SGSM2: variants seen among roughly 807,000 people sequenced by gnomAD.
SGSM2 encodes the protein RUN and TBC1 domain containing 1.
A neutral mutation model predicts 126.6 loss-of-function variants in SGSM2; 89 were observed. The ratio of observed to expected loss-of-function variants is 0.70; its 90% confidence interval spans 0.59 to 0.84. SGSM2 has a LOEUF of 0.84. SGSM2 is among the 40% of genes least tolerant of loss of function. The pLI, the probability that SGSM2 is intolerant of heterozygous loss-of-function variation, is 0.00. For missense variants in SGSM2, 1,404 were observed against 1,416.6 expected, an observed-to-expected ratio of 0.99 and a Z score of 0.14; for synonymous variants, 614 against 574.3, an observed-to-expected ratio of 1.07 and a Z score of -0.99.
chr17:2,364,544 G>A, intron 8 of SGSM2, 52 bp from the exon 9 acceptor site: 2 of 1,591,394 alleles, frequency 1.3e-6, no homozygotes, highest in Non-Finnish European at 1.7e-6. Flanking sequence ...AAGGAAGGAA[G>A]GAAGGATGGC....
At chr17:2,360,109 G>A (rs889891486) in intron 2 of SGSM2, among the ~76,000 whole-genome samples, 3 of 152,176 alleles carry the variant, frequency 2.0e-5, no homozygotes, top group Non-Finnish European at 4.4e-5. Context: ...TTGAGAGGCC[G>A]AGGCGGGCGG....
At chr17:2,349,945 G>A (rs35257150) in intron 2 of SGSM2, among the ~76,000 whole-genome samples, 66,345 of 151,616 alleles carry the variant, frequency 0.44, 14,849 homozygotes, top group East Asian at 0.64. Flanking sequence ...CCACCACCAC[G>A]CTCGGCTAAT....
rs1369132873 is a variant in SGSM2 at position 2,364,824 on chromosome 17, C to T, written c.1001-73C>T. On this transcript the variant is annotated intron_variant, in intron 9 of 23. Coordinates refer to ENST00000268989, the MANE Select transcript of SGSM2 (RefSeq NM_014853.3). ...CCCAGCCATCTGCCTCCTACCCAGC[C>T]TGGGGGCACTGGCCAGCAGGGTGTG... The T allele has an allele frequency of 3.2e-6, 5 of 1,583,520 alleles. No homozygotes were observed. In the African/African-American group the frequency reaches 6.7e-5, roughly 21 times the overall value.
Position 2,376,808 on chromosome 17 carries a change from C to T in SGSM2, c.2685C>T (p.Leu895=), listed in dbSNP as rs756915259. 8.7e-6 allele frequency: 14 copies of T among 1,613,934 alleles called. No homozygotes were observed. The highest frequency in any genetic ancestry group is 1.7e-5 in the Admixed American group (1 of 60,014). The change falls in exon 20 of 24, where the codon CTC becomes CTT. Residue 895 remains leucine (L), a synonymous_variant. Coordinates refer to ENST00000268989, the MANE Select transcript of SGSM2 (RefSeq NM_014853.3). The part of the protein sequence containing the change: ...CDLLAPLLVT[L]DNDQLAYSCF... ...TGCTGGCGCCTCTCCTGGTCACCCT[C>T]GACAATGGTGAGGGATGGCGGGACA... is the stretch of plus-strand genomic sequence containing the variant.
At position 2,363,090 on chromosome 17, in the gene SGSM2, C is replaced by G. The variant is rs2065391487; in HGVS notation, c.628C>G (p.Pro210Ala). The change falls in exon 6 of 24, where the codon CCA becomes GCA. Residue 210 changes from proline (P) to alanine (A), a missense_variant. Coordinates refer to ENST00000268989, the MANE Select transcript of SGSM2 (RefSeq NM_014853.3). This position sits in a 1 kb window ranked among gnomAD's most constrained non-coding sequence, Gnocchi z 4.2. ...GGTCCAGCGGCACCGCATCCGGGGT[C>G]CACCTACTCGCCAGGACTCCCCTGC... ...ELVQRHRIRG[P>A]PTRQDSPAKR... 6.2e-7 allele frequency: 1 copy of G among 1,612,872 alleles called. No homozygotes were observed. Among genetic ancestry groups the G allele is most frequent in the Non-Finnish European group, 8.5e-7 (1 of 1,179,766 alleles).
intron 2 of SGSM2, among the ~76,000 whole-genome samples, chr17:2,358,469 G>A (rs1416254655): frequency 2.6e-5 from 4 of 152,212 alleles, no homozygotes; most frequent in Admixed American, 2.0e-4. Context: ...CGGCGCTTTG[G>A]AAGGCTGAGG....
chr17:2,360,035 G>A (rs1411869005), intron 2 of SGSM2, among the ~76,000 whole-genome samples: 2 of 152,164 alleles, frequency 1.3e-5, no homozygotes, highest in African/African-American at 4.8e-5. Flanking sequence ...GCATGTGGAC[G>A]CTTAAGCCAA....
At chr17:2,365,362 C>G (rs112641648) in intron 11 of SGSM2, 21 bp downstream of exon 11, 1 of 1,520,370 alleles carries the variant, frequency 6.6e-7, no homozygotes, top group East Asian at 2.5e-5. Flanking sequence ...CGAGCTTCAT[C>G]CCGGGGGAGG....
chr17:2,379,234 C>G (rs747761533), intron 23 of SGSM2, 31 bp downstream of exon 23: 9 of 1,612,534 alleles, frequency 5.6e-6, no homozygotes, highest in Middle Eastern at 1.6e-4. Flanking sequence ...CCAGGCTGCC[C>G]TGAGCAGAGG....
intron 2 of SGSM2, among the ~76,000 whole-genome samples, chr17:2,347,263 A>G (rs2064635450): frequency 6.6e-6 from 1 of 151,918 alleles, no homozygotes; most frequent in Non-Finnish European, 1.5e-5. Flanking sequence ...CTGCCACCAC[A>G]CCTAGCTAAT....
chr17:2,363,065 G>C lies in SGSM2; in HGVS notation c.603G>C (p.Leu201=). 1.2e-6 allele frequency: 2 copies of C among 1,613,896 alleles called. No homozygotes were observed. Among genetic ancestry groups the C allele is most frequent in the Non-Finnish European group, 1.7e-6 (2 of 1,180,036 alleles). ...HYWTDPSADE[L]VQRHRIRGPP... is the part of the protein sequence containing the mutation. ...GGACTGACCCCTCTGCTGATGAGCT[G>C]GTCCAGCGGCACCGCATCCGGGGTC... Residue 201 remains leucine (L), a synonymous_variant, in exon 6 of 24, where the codon CTG becomes CTC. Transcript: ENST00000268989. This position sits in a 1 kb window ranked among gnomAD's most constrained non-coding sequence, Gnocchi z 4.2.
At chr17:2,373,827 G>A in intron 17 of SGSM2, 1 of 344,892 alleles carries the variant, frequency 2.9e-6, no homozygotes, top group Non-Finnish European at 5.4e-6. Context: ...GCAACAGGCA[G>A]CGCTGGGTTC....
At position 2,363,829 on chromosome 17, in the gene SGSM2, C is replaced by T; in HGVS notation, c.807+230C>T. 2 of 795,844 alleles carry T rather than the reference C, an allele frequency of 2.5e-6. No homozygotes were observed. Among genetic ancestry groups the T allele is most frequent in the South Asian group, 1.8e-5 (1 of 55,472 alleles). 49.3% of individuals were successfully genotyped at this position (795,844 alleles called of 1,614,324 possible). On this transcript the variant is annotated intron_variant, in intron 7 of 23. Coordinates refer to ENST00000268989, the MANE Select transcript of SGSM2 (RefSeq NM_014853.3). The surrounding 1 kb of genome is among the most constrained non-coding windows in gnomAD (Gnocchi z 4.2). ...GAGTCCGCAGTGTGGGTATGGCTGG[C>T]CTGGAATGGACCTGGCATCCAGGAG... is the stretch of plus-strand genomic sequence containing the variant.
At chr17:2,375,444 G>C in intron 17 of SGSM2, 48 bp from the exon 18 acceptor site, 1 of 1,546,612 alleles carries the variant, frequency 6.5e-7, no homozygotes, top group Non-Finnish European at 8.7e-7. Context: ...GGTGGGCTGC[G>C]GGAAGGTGCT....
At chr17:2,340,743 C>T (rs1323616325) in intron 1 of SGSM2, among the ~76,000 whole-genome samples, 1 of 152,054 alleles carries the variant, frequency 6.6e-6, no homozygotes, top group East Asian at 1.9e-4. Context: ...TGCCACCACG[C>T]CCGGCTAATT....
chr17:2,350,625 A>G (rs1008687691), intron 2 of SGSM2, among the ~76,000 whole-genome samples: 1 of 152,150 alleles, frequency 6.6e-6, no homozygotes, highest in South Asian at 2.1e-4. Flanking sequence ...CTCAAAAAAA[A>G]CAAAAAAACA....
chr17:2,343,806 G>A (rs1001821010), intron 2 of SGSM2, among the ~76,000 whole-genome samples, 186 bp downstream of exon 2: 1 of 152,110 alleles, frequency 6.6e-6, no homozygotes, highest in Non-Finnish European at 1.5e-5. Flanking sequence ...GTTCTTCAGG[G>A]GTCAAGAATC....
chr17:2,367,166 T>G lies in SGSM2; in HGVS notation c.1289-105T>G. ...CTTCCCCTCTTCTGTGCCCTGCAGA[T>G]TCACGATGACCCCGGCCTCCATTCC... On this transcript the variant is annotated intron_variant, in intron 11 of 23. Transcript: ENST00000268989. This position sits in a 1 kb window ranked among gnomAD's most constrained non-coding sequence, Gnocchi z 4.0. 4.6e-6 allele frequency: 6 copies of G among 1,312,176 alleles called. No homozygotes were observed. Among genetic ancestry groups the G allele is most frequent in the Non-Finnish European group, 5.1e-6 (5 of 970,898 alleles). The allele number at this position is 1,312,176 out of a possible 1,614,324, so 81.3% of individuals were successfully genotyped here.
intron 17 of SGSM2, chr17:2,374,932 A>G (rs2066056805): frequency 6.6e-6 from 1 of 152,214 alleles, no homozygotes; most frequent in African/African-American, 2.4e-5. Flanking sequence ...ATGGTGGTGG[A>G]CTGTATCTAG....
Sources: allele counts gnomAD v4.1 joint callset (sites outside exome capture counted in the v4.1 genomes callset), GRCh38; gene constraint gnomAD v4.1.1; non-coding constraint Gnocchi (gnomAD v3.1); transcripts MANE v1.5; gene names NCBI Gene and HGNC (gene_info 2026-07-23, HGNC 2026-07-21).